The following TBCE variants were observed in gnomAD, a reference collection of about 807,000 sequenced individuals.
TBCE encodes tubulin folding cofactor E, also known as tubulin-specific chaperone E.
Under a neutral mutation model 77.0 loss-of-function variants are expected in TBCE, and 53 were observed. The ratio of observed to expected loss-of-function variants is 0.69; its 90% CI spans 0.55 to 0.87. TBCE has a LOEUF of 0.87. Among genes scored for constraint, TBCE ranks in the 40% least tolerant of loss-of-function variants. The pLI is 0.00. For synonymous variants in TBCE, 235 were observed against 241.3 expected (o/e 0.97, Z 0.24); for missense variants, 624 against 622.4 (o/e 1.00, Z -0.03).
At chr1:235,396,272 A>G (rs1265327128) in intron 2 of TBCE, among the ~76,000 whole-genome samples, 1 of 151,566 alleles carries the variant, frequency 6.6e-6, no homozygotes, top group Non-Finnish European at 1.5e-5. Context: ...GTTAGCCAGG[A>G]TGGTCTCGAT....
At chr1:235,414,360 C>A in intron 3 of TBCE, 73 bp from the exon 4 acceptor site, 1 of 1,512,348 alleles carries the variant, frequency 6.6e-7, no homozygotes, top group Non-Finnish European at 9.1e-7. Flanking sequence ...TTTTGAAGAC[C>A]TTCAGAAAAT....
intron 3 of TBCE, among the ~76,000 whole-genome samples, chr1:235,411,292 C>T (rs6672482): frequency 0.14 from 20,893 of 152,130 alleles, 1,722 homozygotes; most frequent in African/African-American, 0.23. Flanking sequence ...TTTTCCCAAG[C>T]GGCTTTTATT....
rs1213449311 is a variant in TBCE at position 235,386,531 on chromosome 1, C to T, written c.100+6382C>T. ...TCTTTTTTCTCTAAACTTCCCTTCT[C>T]GCTTCATTTCATTCATTTCATCTTC... On this transcript the variant is annotated intron_variant, in intron 2 of 16. Transcript: ENST00000642610. Among the ~76,000 whole-genome samples the T allele has an allele frequency of 1.6e-4, 25 of 152,250 alleles. No individual in the cohort carries two copies. In the East Asian group the frequency reaches 4.4e-3, roughly 27 times the overall value.
intron 1 of TBCE, among the ~76,000 whole-genome samples, chr1:235,375,441 T>G (rs1463869468): frequency 6.6e-6 from 1 of 151,862 alleles, no homozygotes; most frequent in Non-Finnish European, 1.5e-5. Context: ...AGAACTTAAC[T>G]AGGCAGCAGC....
chr1:235,387,782 T>A lies in TBCE; in HGVS notation c.100+7633T>A, dbSNP rs139940710. On this transcript the variant is annotated intron_variant, in intron 2 of 16. Coordinates refer to ENST00000642610, the MANE Select transcript of TBCE (RefSeq NM_003193.5). ...GAGGGAAAGATGTTACAGGAAATGG[T>A]CTCAATCCAGACCCCAAAAGAGGGT... 5.5e-3 allele frequency among the ~76,000 whole-genome samples: 833 copies of A among 152,176 alleles called. 8 individuals carry two copies. Among genetic ancestry groups the A allele is most frequent in the African/African-American group, 0.019 (809 of 41,524 alleles).
chr1:235,419,586 T>G, intron 5 of TBCE, 25 bp downstream of exon 5: 3 of 1,613,750 alleles, frequency 1.9e-6, no homozygotes, highest in Non-Finnish European at 2.5e-6. Context: ...GAGAGCTTGT[T>G]ATTGGAATCT....
intron 3 of TBCE, among the ~76,000 whole-genome samples, chr1:235,410,195 C>A (rs1033907163): frequency 2.0e-5 from 3 of 151,840 alleles, no homozygotes; most frequent in African/African-American, 4.8e-5. Flanking sequence ...TGCAGTGAGC[C>A]AAGATCACCC....
chr1:235,441,975 T>A, intron 14 of TBCE, 93 bp downstream of exon 14: 1 of 1,095,998 alleles, frequency 9.1e-7, no homozygotes, highest in East Asian at 2.5e-5. Context: ...ACCTCTTAAG[T>A]ACCTAAGTAA....
At chr1:235,436,720 A>AAAT in intron 11 of TBCE, 112 bp downstream of exon 11, 3 of 1,047,072 alleles carry the variant, frequency 2.9e-6, no homozygotes, top group Non-Finnish European at 4.4e-6. Context: ...ATCGAAAGAG[A>AAAT]AATACCTCCT....
chr1:235,448,376 G>T lies in TBCE; in HGVS notation c.1427G>T (p.Gly476Val). Residue 476 changes from glycine to valine, a missense_variant, in exon 16 of 17, where the codon GGA becomes GTA. By Grantham distance (109) the Gly-to-Val change is moderately radical. Coordinates refer to ENST00000642610, the MANE Select transcript of TBCE (RefSeq NM_003193.5). ...TCCATGACAATTCAAAAGGTGAAGGGATTGCTGTCACGTCTTCTCAAAGTT... is the reference window on the plus strand; with the variant it reads ...TCCATGACAATTCAAAAGGTGAAGGTATTGCTGTCACGTCTTCTCAAAGTT... ...PGSMTIQKVKGLLSRLLKVPV... is the reference protein window; with the variant it reads ...PGSMTIQKVKVLLSRLLKVPV... 6.2e-7 allele frequency: 1 copy of T among 1,614,170 alleles called. No individual in the cohort carries two copies. The highest frequency in any genetic ancestry group is 8.5e-7 in the Non-Finnish European group (1 of 1,180,022).
intron 2 of TBCE, among the ~76,000 whole-genome samples, chr1:235,392,686 C>G (rs1678468750): frequency 6.6e-6 from 1 of 151,818 alleles, no homozygotes; most frequent in Non-Finnish European, 1.5e-5. Context: ...GCTGGGATTA[C>G]ATGCCTGAGC....
intron 1 of TBCE, among the ~76,000 whole-genome samples, chr1:235,372,388 A>T (rs557945124): frequency 7.2e-5 from 11 of 152,304 alleles, no homozygotes; most frequent in Admixed American, 2.0e-4. Context: ...ATATTTATCT[A>T]TCTTAAGAAT....
In TBCE at chr1:235,419,460, G is replaced by T. The variant is rs766225659; in HGVS notation, c.372-13G>T. The T allele has an allele frequency of 1.9e-6, 3 of 1,614,160 alleles. No homozygotes were observed. The highest frequency in any genetic ancestry group is 2.5e-6 in the Non-Finnish European group (3 of 1,180,024). On this transcript the variant is annotated splice_polypyrimidine_tract_variant and intron_variant, in intron 4 of 16. Transcript: ENST00000642610. The stretch of plus-strand genomic sequence containing the variant: ...GTGCTTATGTATCCATGTGAACTCT[G>T]TTTTTCATGCAGTCAGCTGAGCAAG...
At position 235,419,706 on chromosome 1, in the gene TBCE, C is replaced by T. The variant is rs191134690; in HGVS notation, c.460+145C>T. ...AGTTTTGCTTGGTGTAGTTGGGGCC[C>T]AGATAAATTATTTACCTTCCCAGAC... On this transcript the variant is annotated intron_variant, in intron 5 of 16. Coordinates refer to ENST00000642610, the MANE Select transcript of TBCE (RefSeq NM_003193.5). 95 of 1,157,352 alleles carry T rather than the reference C, an allele frequency of 8.2e-5. No individual in the cohort carries two copies. The East Asian group carries it at 2.3e-3, about 28-fold the overall frequency. The allele number at this position is 1,157,352 out of a possible 1,614,324, so 71.7% of individuals were successfully genotyped here. A position where few individuals can be genotyped will look rare whatever the true frequency, so the allele number is the denominator to read the frequency against.
chr1:235,443,193 T>TAG (rs386370047), intron 15 of TBCE, among the ~76,000 whole-genome samples: 2 of 150,086 alleles, frequency 1.3e-5, no homozygotes, highest in East Asian at 4.2e-4. Context: ...CACATATATA[T>TAG]ATACACACAC....
At chr1:235,391,645 C>A (rs1319645527) in intron 2 of TBCE, among the ~76,000 whole-genome samples, 6 of 115,952 alleles carry the variant, frequency 5.2e-5, no homozygotes, top group Non-Finnish European at 1.6e-5. Flanking sequence ...CTTACTCTGT[C>A]ACCCAGGCTG....
chr1:235,384,672 T>C (rs1677883236), intron 2 of TBCE, among the ~76,000 whole-genome samples: 1 of 151,956 alleles, frequency 6.6e-6, no homozygotes, highest in East Asian at 1.9e-4. Context: ...ATCCCCTTTA[T>C]CATTTTTTAT....
chr1:235,434,349 A>G (rs1681289247), intron 8 of TBCE, 69 bp downstream of exon 8: 3 of 1,337,760 alleles, frequency 2.2e-6, no homozygotes, highest in Non-Finnish European at 3.2e-6. Flanking sequence ...AATGGTCTCA[A>G]TTATATCTAA....
chr1:235,437,200 C>A, intron 11 of TBCE, 122 bp from the exon 12 acceptor site: 2 of 1,155,532 alleles, frequency 1.7e-6, no homozygotes, highest in Non-Finnish European at 2.6e-6. Context: ...TTGCTTAGTG[C>A]ATGATGAAAT....
Sources: gnomAD v4.1 joint callset for allele counts (sites outside exome capture counted in the v4.1 genomes callset) on GRCh38, gnomAD v4.1.1 for gene constraint, MANE v1.5 for transcripts, NCBI Gene and HGNC (gene_info 2026-07-23, HGNC 2026-07-21) for gene names.